Variants in BAIAP2L1 observed in about 807,000 individuals in gnomAD.
BAIAP2L1 encodes the protein BAR/IMD domain-containing adapter protein 2-like 1.
In BAIAP2L1, 35 loss-of-function variants were observed where a neutral mutation model predicts 66.3. The observed-to-expected ratio is 0.53, with a 90% CI of 0.40 to 0.70. The LOEUF (loss-of-function observed/expected upper bound fraction) is 0.70, where lower values mean the gene tolerates loss of function less well. Ranked by LOEUF, BAIAP2L1 falls within the 30% of genes least tolerant of loss-of-function variation. BAIAP2L1 has a pLI of 0.00. For synonymous variants in BAIAP2L1, 269 were observed against 248.7 expected, an observed-to-expected ratio of 1.08 and a Z score of -0.77; for missense variants, 622 against 656.9, an observed-to-expected ratio of 0.95 and a Z score of 0.58.
intron 1 of BAIAP2L1, among the ~76,000 whole-genome samples, chr7:98,397,027 A>G (rs1803225791): frequency 6.6e-6 from 1 of 152,178 alleles, no homozygotes; most frequent in Non-Finnish European, 1.5e-5. Flanking sequence ...AACAAAGCTC[A>G]TTGCCTTGTA....
intron 12 of BAIAP2L1, among the ~76,000 whole-genome samples, chr7:98,303,230 T>G (rs1161650360): frequency 6.6e-6 from 1 of 152,074 alleles, no homozygotes; most frequent in East Asian, 1.9e-4. Flanking sequence ...TAGAAGCACA[T>G]CCGTTTCATA....
At chr7:98,300,403 G>A (rs1800371819) in intron 12 of BAIAP2L1, among the ~76,000 whole-genome samples, 2 of 152,232 alleles carry the variant, frequency 1.3e-5, no homozygotes, top group South Asian at 2.1e-4. Context: ...TGTCTACAGA[G>A]GCTGGATGCG....
At chr7:98,330,268 G>A (rs565278311) in intron 3 of BAIAP2L1, among the ~76,000 whole-genome samples, 4 of 152,290 alleles carry the variant, frequency 2.6e-5, no homozygotes, top group South Asian at 2.1e-4. Context: ...AGTGGGCAAC[G>A]TGCAAGAAGA....
At chr7:98,332,145 G>A (rs564871712) in intron 3 of BAIAP2L1, among the ~76,000 whole-genome samples, 1 of 151,338 alleles carries the variant, frequency 6.6e-6, no homozygotes, top group Admixed American at 6.6e-5. Context: ...ACTTTTGGGA[G>A]GCTGAGGCGG....
At chr7:98,397,944 T>C (rs1803255443) in intron 1 of BAIAP2L1, among the ~76,000 whole-genome samples, 2 of 152,228 alleles carry the variant, frequency 1.3e-5, no homozygotes, top group Admixed American at 6.5e-5. Flanking sequence ...GTATACATTT[T>C]AGACATTTCA....
intron 3 of BAIAP2L1, among the ~76,000 whole-genome samples, chr7:98,353,474 C>CATATTTACATTATAAATACACAT (rs1554336903): frequency 1.5e-4 from 19 of 130,440 alleles, no homozygotes; most frequent in Non-Finnish European, 2.7e-4. Context: ...TATAAATATA[C>CATATTTACATTATAAATACACAT]ATATTTACAT....
At chr7:98,333,962 T>C (rs1275092753) in intron 3 of BAIAP2L1, among the ~76,000 whole-genome samples, 2 of 152,210 alleles carry the variant, frequency 1.3e-5, no homozygotes, top group South Asian at 4.2e-4. Context: ...AAGTTAGAAA[T>C]TGAGTTTGAT....
rs957644248 is a variant in BAIAP2L1 at position 98,397,583 on chromosome 7, TC to T, written c.51+3218del. 5.3e-4 allele frequency among the ~76,000 whole-genome samples: 80 copies of T among 152,246 alleles called. 1 individual carries two copies. The highest frequency in any genetic ancestry group is 1.9e-3 in the African/African-American group (78 of 41,546). On this transcript the variant is annotated intron_variant, in intron 1 of 13. Coordinates refer to ENST00000005260, the MANE Select transcript of BAIAP2L1 (RefSeq NM_018842.5). Reference sequence around the variant, plus strand: ...CATGATCTGCCTGCCCACCTTGGCCTCCCAAAGTGCTGGGATTACAGGCGTG... The same window carrying T: ...CATGATCTGCCTGCCCACCTTGGCCTCCAAAGTGCTGGGATTACAGGCGTG...
chr7:98,354,477 C>T (rs989710229), intron 3 of BAIAP2L1, among the ~76,000 whole-genome samples: 4 of 152,172 alleles, frequency 2.6e-5, no homozygotes, highest in African/African-American at 9.7e-5. Context: ...TAAAAGCCCA[C>T]CTTTCCCTAA....
Position 98,401,035 on chromosome 7 carries a change from G to C in BAIAP2L1, c.-183C>G, listed in dbSNP as rs945601917. The C allele has an allele frequency of 4.1e-5, 19 of 461,852 alleles. No individual in the cohort carries two copies. The highest frequency in any genetic ancestry group is 5.9e-4 in the Middle Eastern group (1 of 1,702). The allele number at this position is 461,852 out of a possible 1,614,324, so 28.6% of individuals were successfully genotyped here. A position where few individuals can be genotyped will look rare whatever the true frequency, so the allele number is the denominator to read the frequency against. ...TGCGAAAATGTCAAAACTTGCGGCA[G>C]CGCCGCCCTGGCCTTCTTCGAGGAG... On this transcript the variant is annotated 5_prime_UTR_variant, in exon 1 of 14. Coordinates refer to ENST00000005260, the MANE Select transcript of BAIAP2L1 (RefSeq NM_018842.5).
intron 12 of BAIAP2L1, among the ~76,000 whole-genome samples, chr7:98,294,934 A>G (rs1800122609): frequency 1.3e-5 from 2 of 151,976 alleles, no homozygotes; most frequent in Non-Finnish European, 2.9e-5. Flanking sequence ...CCCTCACTCC[A>G]AAAAGCCTGG....
intron 3 of BAIAP2L1, among the ~76,000 whole-genome samples, chr7:98,347,542 G>A (rs896135083): frequency 4.6e-5 from 7 of 152,078 alleles, no homozygotes; most frequent in South Asian, 2.1e-4. Context: ...TTGGGAGGCC[G>A]AGGTGGGTGG....
intron 3 of BAIAP2L1, among the ~76,000 whole-genome samples, chr7:98,327,081 C>A (rs1801393936): frequency 6.6e-6 from 1 of 152,152 alleles, no homozygotes; most frequent in Non-Finnish European, 1.5e-5. Context: ...AGGATCCCGG[C>A]CAGGCGCGGT....
chr7:98,338,244 A>C (rs12671301), intron 3 of BAIAP2L1, among the ~76,000 whole-genome samples: 60,825 of 151,480 alleles, frequency 0.4, 13,147 homozygotes, highest in Middle Eastern at 0.55. Flanking sequence ...CACGGTGAAA[A>C]CCCGTCTCTA....
chr7:98,293,093 ATCT>A lies in BAIAP2L1; in HGVS notation c.*425_*427del, dbSNP rs1800039153. On this transcript the variant is annotated 3_prime_UTR_variant, in exon 14 of 14. Coordinates refer to ENST00000005260, the MANE Select transcript of BAIAP2L1 (RefSeq NM_018842.5). ...ATGCTAAGATGCAAACTTACGTGAT[ATCT>A]TCTTTAGACATAATGCTATTAAGAG... 2 of 538,804 alleles carry A rather than the reference ATCT, an allele frequency of 3.7e-6. No homozygotes were observed. The highest frequency in any genetic ancestry group is 2.0e-5 in the African/African-American group (1 of 49,832). The allele number at this position is 538,804 out of a possible 1,614,324, so 33.4% of individuals were successfully genotyped here.
chr7:98,334,853 TA>T (rs1391764541), intron 3 of BAIAP2L1, among the ~76,000 whole-genome samples: 2 of 145,118 alleles, frequency 1.4e-5, no homozygotes, highest in Admixed American at 1.4e-4. Flanking sequence ...GCCAAGTTTT[TA>T]AAAATTTATC....
At chr7:98,378,102 T>C (rs932877609) in intron 1 of BAIAP2L1, among the ~76,000 whole-genome samples, 1 of 150,892 alleles carries the variant, frequency 6.6e-6, no homozygotes, top group African/African-American at 2.4e-5. Flanking sequence ...TGAGCTGGGA[T>C]TGTGCCATTG....
chr7:98,356,454 C>T (rs1033847987), intron 2 of BAIAP2L1, among the ~76,000 whole-genome samples: 1 of 152,038 alleles, frequency 6.6e-6, no homozygotes, highest in Non-Finnish European at 1.5e-5. Flanking sequence ...AGCTGCAATG[C>T]CGCAATGTAT....
At chr7:98,319,939 C>A (rs571655739) in intron 5 of BAIAP2L1, 119 bp downstream of exon 5, 1 of 817,708 alleles carries the variant, frequency 1.2e-6, no homozygotes, top group Non-Finnish European at 2.0e-6. Context: ...ATCTGGGCAT[C>A]ATCAACACGG....
Sources: allele counts gnomAD v4.1 joint callset (sites outside exome capture counted in the v4.1 genomes callset), GRCh38; gene constraint gnomAD v4.1.1; transcripts MANE v1.5; gene names NCBI Gene and HGNC (gene_info 2026-07-23, HGNC 2026-07-21).